The following CAMK2D variants were observed in gnomAD, a reference collection of about 807,000 sequenced individuals.
CAMK2D encodes the protein calcium/calmodulin-dependent protein kinase type II subunit delta.
In CAMK2D, 37 loss-of-function variants were observed where a neutral mutation model predicts 84.0. That is an observed-to-expected ratio of 0.44 (90% CI 0.34 to 0.58). CAMK2D has a LOEUF of 0.58. CAMK2D is among the 20% of genes least tolerant of loss of function. The pLI is 0.02. For synonymous variants in CAMK2D, 202 were observed against 212.5 expected (o/e 0.95, Z 0.43); for missense variants, 448 against 652.5 (o/e 0.69, Z 3.41).
At chr4:113,679,017 A>G (rs1472948380) in intron 2 of CAMK2D, among the ~76,000 whole-genome samples, 1 of 152,138 alleles carries the variant, frequency 6.6e-6, no homozygotes, top group African/African-American at 2.4e-5. Flanking sequence ...GCAGAAATTT[A>G]GCTTGTTTTT....
At chr4:113,716,477 CCT>C (rs1254262680) in intron 2 of CAMK2D, among the ~76,000 whole-genome samples, 2 of 151,804 alleles carry the variant, frequency 1.3e-5, no homozygotes, top group Admixed American at 6.6e-5. Flanking sequence ...TGGCAAAACC[CCT>C]GTCTCTACAA....
chr4:113,633,677 G>A (rs535566702), intron 3 of CAMK2D, among the ~76,000 whole-genome samples: 1 of 152,300 alleles, frequency 6.6e-6, no homozygotes, highest in South Asian at 2.1e-4. Context: ...TAGTACAGAA[G>A]TGACTGTTGG....
At chr4:113,678,109 G>C (rs541963933) in intron 2 of CAMK2D, among the ~76,000 whole-genome samples, 2 of 152,152 alleles carry the variant, frequency 1.3e-5, no homozygotes, top group African/African-American at 2.4e-5. Context: ...TACCCTTTTT[G>C]TAAGAGTTGT....
At chr4:113,707,254 C>T (rs1010430815) in intron 2 of CAMK2D, among the ~76,000 whole-genome samples, 2 of 152,066 alleles carry the variant, frequency 1.3e-5, no homozygotes, top group African/African-American at 4.8e-5. Context: ...ATGATCTCCA[C>T]ATCTGAAAGG....
chr4:113,653,658 A>G (rs2099185995), intron 3 of CAMK2D, among the ~76,000 whole-genome samples: 2 of 151,970 alleles, frequency 1.3e-5, no homozygotes, highest in Admixed American at 1.3e-4. Flanking sequence ...ATTAACATTT[A>G]CTCTGCATTA....
At chr4:113,503,197 C>G (rs2098080829) in intron 14 of CAMK2D, 1 of 723,288 alleles carries the variant, frequency 1.4e-6, no homozygotes, top group Non-Finnish European at 2.5e-6. Context: ...AAGCAGCATG[C>G]AAAAGACCTT....
rs1360070782 is a variant in CAMK2D at position 113,452,618 on chromosome 4, T to A, written c.*1927A>T. The A allele has an allele frequency of 3.3e-5, 5 of 152,532 alleles. No homozygotes were observed. Among genetic ancestry groups the A allele is most frequent in the Non-Finnish European group, 1.5e-5 (1 of 68,024 alleles). 9.4% of individuals were successfully genotyped at this position (152,532 alleles called of 1,614,324 possible). A position where few individuals can be genotyped will look rare whatever the true frequency, so the allele number is the denominator to read the frequency against. The stretch of plus-strand genomic sequence containing the variant: ...TGCGGAAGACAAACTTGATCTACAG[T>A]AATACTTCAACACCACATGCTAAGT... On this transcript the variant is annotated 3_prime_UTR_variant, in exon 21 of 21. Transcript: ENST00000511664.
intron 2 of CAMK2D, among the ~76,000 whole-genome samples, chr4:113,750,660 G>T (rs551292367): frequency 6.6e-6 from 1 of 152,078 alleles, no homozygotes; most frequent in Non-Finnish European, 1.5e-5. Flanking sequence ...CTGAATAAAC[G>T]AATAAAAAAT....
Position 113,536,842 on chromosome 4 carries a change from T to C in CAMK2D, c.517+499A>G, listed in dbSNP as rs952202487. ...AGAGGAAACTGGCATGTTGAAGACA[T>C]ACAAAATAACTAAGGTGAAATATAC... On this transcript the variant is annotated intron_variant, in intron 7 of 20. Transcript: ENST00000511664. Among the ~76,000 whole-genome samples the C allele has an allele frequency of 2.0e-5, 3 of 152,180 alleles. No individual in the cohort carries two copies. The East Asian group carries it at 5.8e-4, about 29-fold the overall frequency.
At chr4:113,744,331 C>G (rs1439378815) in intron 2 of CAMK2D, among the ~76,000 whole-genome samples, 1 of 152,186 alleles carries the variant, frequency 6.6e-6, no homozygotes, top group Non-Finnish European at 1.5e-5. Context: ...GTCCTAAACA[C>G]TATTGAAATT....
intron 3 of CAMK2D, among the ~76,000 whole-genome samples, chr4:113,640,594 G>C (rs929703003): frequency 2.0e-5 from 3 of 152,160 alleles, no homozygotes; most frequent in African/African-American, 7.2e-5. Context: ...TTCAACTATA[G>C]AGAGACATCA....
Position 113,609,166 on chromosome 4 carries a change from G to T in CAMK2D, c.261C>A (p.Tyr87Ter). The T allele has an allele frequency of 6.3e-7, 1 of 1,577,702 alleles. No homozygotes were observed. The highest frequency in any genetic ancestry group is 8.7e-7 in the Non-Finnish European group (1 of 1,147,054). Residue 87 changes from tyrosine to a stop codon, truncating the protein, a stop_gained, in exon 4 of 21, where the codon TAC becomes TAA. Coordinates refer to ENST00000511664, the MANE Select transcript of CAMK2D (RefSeq NM_001321571.2). LOFTEE classifies it high-confidence loss of function. ...TATATACTTACAAATCAAACACCAA[G>T]TAGTGAAAGCCCTCTTCTGATATGC... The part of the protein sequence containing the change: ...HDSISEEGFH[Y>*]LVFDLVTGGE...
chr4:113,601,192 G>T (rs1044576468), intron 4 of CAMK2D, among the ~76,000 whole-genome samples: 1 of 152,104 alleles, frequency 6.6e-6, no homozygotes, highest in Non-Finnish European at 1.5e-5. Context: ...AACATGATAC[G>T]TGGGTAGAAG....
chr4:113,530,796 T>C (rs2098452967), intron 8 of CAMK2D, among the ~76,000 whole-genome samples: 2 of 152,118 alleles, frequency 1.3e-5, no homozygotes, highest in African/African-American at 4.8e-5. Flanking sequence ...GAGAAATAAA[T>C]TTTTGTGGCC....
At chr4:113,504,303 C>T (rs897593375) in intron 14 of CAMK2D, among the ~76,000 whole-genome samples, 5 of 152,112 alleles carry the variant, frequency 3.3e-5, no homozygotes, top group African/African-American at 7.2e-5. Flanking sequence ...CTAATTTAGT[C>T]GTTAATTGTG....
intron 2 of CAMK2D, among the ~76,000 whole-genome samples, chr4:113,684,701 T>C (rs934140497): frequency 1.3e-5 from 2 of 152,160 alleles, no homozygotes; most frequent in African/African-American, 4.8e-5. Context: ...GCTTCAGAAA[T>C]ATTTACCAAA....
At chr4:113,537,113 G>C (rs2098498585) in intron 7 of CAMK2D, among the ~76,000 whole-genome samples, 1 of 152,190 alleles carries the variant, frequency 6.6e-6, no homozygotes, top group African/African-American at 2.4e-5. Flanking sequence ...AGAAAAAAGT[G>C]TATGTCTTCT....
intron 20 of CAMK2D, 24 bp from the exon 21 acceptor site, chr4:113,454,539 G>C: frequency 1.3e-6 from 1 of 776,374 alleles, no homozygotes; most frequent in Non-Finnish European, 2.4e-6. Context: ...GGGGGAGGAA[G>C]AAATAAATTA....
intron 2 of CAMK2D, among the ~76,000 whole-genome samples, chr4:113,709,779 A>ATG (rs1240742238): frequency 1.6e-5 from 2 of 125,814 alleles, no homozygotes; most frequent in Non-Finnish European, 3.2e-5. Flanking sequence ...ATATATATAT[A>ATG]TATGAGAGAC....
Sources: gnomAD v4.1 joint callset for allele counts (sites outside exome capture counted in the v4.1 genomes callset) on GRCh38, gnomAD v4.1.1 for gene constraint, MANE v1.5 for transcripts, NCBI Gene and HGNC (gene_info 2026-07-23, HGNC 2026-07-21) for gene names.